The following CDH18 variants were observed in gnomAD, a reference collection of about 807,000 sequenced individuals.
CDH18 encodes the protein cadherin 18.
In CDH18, 31 loss-of-function variants were observed where a neutral mutation model predicts 67.9. The ratio of observed to expected loss-of-function variants is 0.46; its 90% CI spans 0.34 to 0.62. The LOEUF is 0.62. CDH18 is among the 20% of genes least tolerant of loss of function. CDH18 has a pLI of 0.01. For missense variants in CDH18, 890 were observed against 975.5 expected (o/e 0.91, Z 1.17); for synonymous variants, 362 against 347.2 (o/e 1.04, Z -0.48).
At chr5:20,471,074 A>G (rs544870556) in intron 1 of CDH18, among the ~76,000 whole-genome samples, 3 of 148,178 alleles carry the variant, frequency 2.0e-5, no homozygotes, top group Non-Finnish European at 2.9e-5. Flanking sequence ...GTGCTTCTCT[A>G]TCTCTCTTAA....
chr5:20,079,347 CCTATGTCTT>C (rs1165419039), intron 2 of CDH18, among the ~76,000 whole-genome samples: 5 of 152,104 alleles, frequency 3.3e-5, no homozygotes, highest in African/African-American at 9.7e-5. Context: ...TCTCACTTTA[CCTATGTCTT>C]CTAGGTTCAT....
chr5:19,853,001 A>T (rs1308833733), intron 2 of CDH18, among the ~76,000 whole-genome samples: 3 of 152,134 alleles, frequency 2.0e-5, no homozygotes, highest in African/African-American at 7.2e-5. Flanking sequence ...TGAGTACAAG[A>T]TTGTGAAAAA....
chr5:20,384,515 C>A (rs1744161904), intron 1 of CDH18, among the ~76,000 whole-genome samples: 1 of 152,054 alleles, frequency 6.6e-6, no homozygotes, highest in South Asian at 2.1e-4. Flanking sequence ...GATTTCATCT[C>A]GTGTCTTTGT....
chr5:19,512,576 AT>A lies in CDH18; in HGVS notation c.1512+8080del, dbSNP rs1245058975. ...TCTAGTGTTTCAACTTAATTTTCTA[AT>A]TGTTTGTGGTATGAGAACTCTAAAT... is the stretch of plus-strand genomic sequence containing the variant. On this transcript the variant is annotated intron_variant, in intron 10 of 12. Coordinates refer to ENST00000382275, the MANE Select transcript of CDH18 (RefSeq NM_004934.5). Among the ~76,000 whole-genome samples, 14 of 152,142 alleles carry A rather than the reference AT, an allele frequency of 9.2e-5. 1 individual carries two copies. The highest frequency in any genetic ancestry group is 3.4e-4 in the African/African-American group (14 of 41,524).
At chr5:19,655,092 G>C (rs781730700) in intron 5 of CDH18, among the ~76,000 whole-genome samples, 6 of 152,098 alleles carry the variant, frequency 3.9e-5, no homozygotes, top group Non-Finnish European at 7.4e-5. Flanking sequence ...AGTTTTCTAG[G>C]CTTGAGAGTG....
At chr5:20,496,604 A>T (rs73062621) in intron 1 of CDH18, among the ~76,000 whole-genome samples, 9,705 of 152,220 alleles carry the variant, frequency 0.064, 1,033 homozygotes, top group African/African-American at 0.22. Flanking sequence ...TGAGGAAACA[A>T]TGTGGGAATT....
intron 1 of CDH18, among the ~76,000 whole-genome samples, chr5:20,501,258 A>G (rs1214592554): frequency 6.6e-6 from 1 of 151,622 alleles, no homozygotes; most frequent in Non-Finnish European, 1.5e-5. Flanking sequence ...ACTAAAAGCA[A>G]ATATCCATGT....
chr5:19,633,866 A>G (rs1011433977), intron 5 of CDH18, among the ~76,000 whole-genome samples: 12 of 152,284 alleles, frequency 7.9e-5, no homozygotes, highest in Admixed American at 6.5e-4. Context: ...TCCTGAGCTC[A>G]AGGGATCCAC....
chr5:20,094,905 C>A (rs1193859727), intron 2 of CDH18, among the ~76,000 whole-genome samples: 3 of 152,170 alleles, frequency 2.0e-5, no homozygotes, highest in Non-Finnish European at 2.9e-5. Flanking sequence ...TGGAACCAAC[C>A]AAAATGCCCA....
chr5:20,124,741 A>G (rs981660456), intron 2 of CDH18, among the ~76,000 whole-genome samples: 20 of 152,192 alleles, frequency 1.3e-4, no homozygotes, highest in Non-Finnish European at 2.2e-4. Context: ...GATGCATCCC[A>G]AAAATCTAGA....
At chr5:20,066,739 A>G (rs1224063247) in intron 2 of CDH18, among the ~76,000 whole-genome samples, 1 of 152,058 alleles carries the variant, frequency 6.6e-6, no homozygotes, top group African/African-American at 2.4e-5. Flanking sequence ...AGTGAGAAAA[A>G]GGATAATATT....
At chr5:20,051,339 T>C (rs946109869) in intron 2 of CDH18, among the ~76,000 whole-genome samples, 21 of 151,930 alleles carry the variant, frequency 1.4e-4, no homozygotes, top group African/African-American at 5.1e-4. Flanking sequence ...AATGTAATTG[T>C]GATGATAGCA....
At chr5:20,270,027 C>A (rs1745323341) in intron 1 of CDH18, among the ~76,000 whole-genome samples, 1 of 152,030 alleles carries the variant, frequency 6.6e-6, no homozygotes, top group Non-Finnish European at 1.5e-5. Context: ...AGGAACCACT[C>A]TCACATATCC....
intron 4 of CDH18, among the ~76,000 whole-genome samples, chr5:19,739,289 AC>A (rs533938621): frequency 9.2e-5 from 14 of 152,236 alleles, no homozygotes; most frequent in African/African-American, 3.1e-4. Context: ...CCTCTCTAAA[AC>A]CCTTAATATT....
intron 6 of CDH18, among the ~76,000 whole-genome samples, chr5:19,595,430 C>T (rs1169951557): frequency 6.6e-6 from 1 of 152,158 alleles, no homozygotes; most frequent in African/African-American, 2.4e-5. Flanking sequence ...TCGAGACTAG[C>T]CTGACCAACA....
At chr5:20,566,680 C>A (rs1758533929) in intron 1 of CDH18, among the ~76,000 whole-genome samples, 1 of 151,820 alleles carries the variant, frequency 6.6e-6, no homozygotes, top group Non-Finnish European at 1.5e-5. Context: ...CAGCCTAATT[C>A]TCTTGATTTA....
chr5:20,005,099 G>A (rs957509606), intron 2 of CDH18, among the ~76,000 whole-genome samples: 13 of 152,068 alleles, frequency 8.5e-5, no homozygotes, highest in Admixed American at 2.0e-4. Flanking sequence ...AGGAAAATAC[G>A]TATACATTTC....
intron 1 of CDH18, among the ~76,000 whole-genome samples, chr5:20,328,502 T>TGA (rs1561975517): frequency 1.7e-5 from 2 of 117,444 alleles, no homozygotes; most frequent in African/African-American, 5.9e-5. Flanking sequence ...TGTGTGTGTG[T>TGA]GTGTGTGAGA....
chr5:20,034,672 A>G (rs898938153), intron 2 of CDH18, among the ~76,000 whole-genome samples: 18 of 151,934 alleles, frequency 1.2e-4, no homozygotes, highest in Admixed American at 1.2e-3. Context: ...ACCATAAACT[A>G]TTTGCTCTTC....
Sources: allele counts gnomAD v4.1 joint callset (sites outside exome capture counted in the v4.1 genomes callset), GRCh38; gene constraint gnomAD v4.1.1; transcripts MANE v1.5; gene names NCBI Gene and HGNC (gene_info 2026-07-23, HGNC 2026-07-21).